Variants in GABRB2 observed in about 807,000 individuals in gnomAD.
GABRB2 encodes the protein gamma-aminobutyric acid receptor subunit beta-2.
Under a neutral mutation model 54.7 loss-of-function variants are expected in GABRB2, and 16 were observed. The ratio of observed to expected loss-of-function variants is 0.29; its 90% CI spans 0.20 to 0.44. The LOEUF (loss-of-function observed/expected upper bound fraction) is 0.44, where lower values mean the gene tolerates loss of function less well. GABRB2 is among the 20% of genes least tolerant of loss of function. GABRB2 has a pLI of 1.00. For synonymous variants in GABRB2, 244 were observed against 233.8 expected (o/e 1.04, Z -0.40); for missense variants, 355 against 644.0 (o/e 0.55, Z 4.86).
At chr5:161,449,633 C>G (rs1757732268) in intron 4 of GABRB2, among the ~76,000 whole-genome samples, 2 of 152,094 alleles carry the variant, frequency 1.3e-5, no homozygotes, top group Non-Finnish European at 2.9e-5. Flanking sequence ...CAATGGAAGT[C>G]TCTTCTGTTG....
intron 3 of GABRB2, among the ~76,000 whole-genome samples, chr5:161,519,608 A>G (rs1192984045): frequency 6.6e-6 from 1 of 152,176 alleles, no homozygotes; most frequent in Non-Finnish European, 1.5e-5. Context: ...AATCTCATCA[A>G]AAATTGAGGA....
At chr5:161,297,263 A>C (rs1362105939) in intron 9 of GABRB2, among the ~76,000 whole-genome samples, 1 of 152,124 alleles carries the variant, frequency 6.6e-6, no homozygotes, top group Non-Finnish European at 1.5e-5. Flanking sequence ...GAATACTTCA[A>C]CTTAAAATAG....
intron 4 of GABRB2, among the ~76,000 whole-genome samples, chr5:161,418,610 A>G (rs1054078754): frequency 1.3e-5 from 2 of 152,218 alleles, no homozygotes; most frequent in Non-Finnish European, 2.9e-5. Flanking sequence ...CTAAGACTTC[A>G]AAAGCAAATG....
intron 5 of GABRB2, among the ~76,000 whole-genome samples, chr5:161,374,684 C>A (rs949380059): frequency 5.9e-5 from 9 of 152,198 alleles, no homozygotes; most frequent in Non-Finnish European, 1.3e-4. Context: ...CTGTTCAAAT[C>A]CTACCTTATT....
chr5:161,416,292 G>A (rs966963698), intron 4 of GABRB2, among the ~76,000 whole-genome samples: 1 of 152,058 alleles, frequency 6.6e-6, no homozygotes, highest in African/African-American at 2.4e-5. Flanking sequence ...AATGACCAAA[G>A]ATAGCCATTA....
At chr5:161,497,440 A>G (rs150717878) in intron 3 of GABRB2, among the ~76,000 whole-genome samples, 16 of 152,128 alleles carry the variant, frequency 1.1e-4, no homozygotes, top group African/African-American at 3.6e-4. Context: ...AACTAATCTG[A>G]ACTCAGGAGA....
intron 3 of GABRB2, among the ~76,000 whole-genome samples, chr5:161,464,287 AACAG>A (rs1198749420): frequency 6.6e-6 from 1 of 152,128 alleles, no homozygotes; most frequent in Non-Finnish European, 1.5e-5. Flanking sequence ...AAAAGATGTG[AACAG>A]ACACTTAACC....
At chr5:161,302,444 G>A (rs898971391) in intron 9 of GABRB2, among the ~76,000 whole-genome samples, 2 of 152,156 alleles carry the variant, frequency 1.3e-5, no homozygotes, top group Admixed American at 6.5e-5. Flanking sequence ...CTGGAGAGAT[G>A]TCCTTGTGAT....
chr5:161,425,277 C>T (rs1454191200), intron 4 of GABRB2, among the ~76,000 whole-genome samples: 7 of 152,054 alleles, frequency 4.6e-5, no homozygotes, highest in Admixed American at 1.3e-4. Flanking sequence ...TATCAAGCAG[C>T]AAAGCATGCC....
chr5:161,414,567 C>A (rs1197727210), intron 4 of GABRB2, among the ~76,000 whole-genome samples: 1 of 151,926 alleles, frequency 6.6e-6, no homozygotes, highest in Non-Finnish European at 1.5e-5. Context: ...AATAATTACT[C>A]CCTACATATA....
At position 161,455,529 on chromosome 5, in the gene GABRB2, ATTT is replaced by A. The variant is rs34494220; in HGVS notation, c.458+4092_458+4094del. Among the ~76,000 whole-genome samples, 357 of 137,884 alleles carry A rather than the reference ATTT, an allele frequency of 2.6e-3. 3 individuals carry two copies. The highest frequency in any genetic ancestry group is 8.0e-3 in the African/African-American group (294 of 36,872). The allele number at this position is 137,884 out of a possible 152,430, so 90.5% of individuals were successfully genotyped here. On this transcript the variant is annotated intron_variant, in intron 4 of 9. Coordinates refer to ENST00000393959, the MANE Select transcript of GABRB2 (RefSeq NM_001371727.1). Reference sequence around the variant, plus strand: ...CTGAAACATGAAATTTTGTTCCCCAATTTTTTTTTTTTTTTTTTTGAGACAGGG... The same window carrying A: ...CTGAAACATGAAATTTTGTTCCCCAATTTTTTTTTTTTTTTTGAGACAGGG...
intron 9 of GABRB2, among the ~76,000 whole-genome samples, chr5:161,310,313 TAG>T (rs1476886561): frequency 1.3e-5 from 2 of 152,098 alleles, no homozygotes; most frequent in African/African-American, 4.8e-5. Context: ...GAACTTAAAA[TAG>T]AAGTTAAAAA....
intron 9 of GABRB2, among the ~76,000 whole-genome samples, chr5:161,318,442 C>T (rs1758107757): frequency 6.6e-6 from 1 of 151,908 alleles, no homozygotes; most frequent in Non-Finnish European, 1.5e-5. Context: ...TATTTAAATA[C>T]TCCCAAATCA....
At chr5:161,327,603 C>T (rs1003328661) in intron 8 of GABRB2, among the ~76,000 whole-genome samples, 1 of 151,942 alleles carries the variant, frequency 6.6e-6, no homozygotes. Flanking sequence ...GACGCTAATA[C>T]CAAAAAGAGG....
intron 3 of GABRB2, among the ~76,000 whole-genome samples, chr5:161,463,820 A>C (rs1004266737): frequency 1.3e-5 from 2 of 151,310 alleles, no homozygotes; most frequent in Non-Finnish European, 3.0e-5. Context: ...AAGACAGTAG[A>C]CTGGAGAAAG....
intron 3 of GABRB2, among the ~76,000 whole-genome samples, chr5:161,462,644 G>A (rs1259401275): frequency 6.6e-6 from 1 of 152,128 alleles, no homozygotes; most frequent in Non-Finnish European, 1.5e-5. Context: ...CTAAATAAAT[G>A]TTAAGATTGT....
chr5:161,459,399 C>T, intron 4 of GABRB2: 1 of 562,496 alleles, frequency 1.8e-6, no homozygotes, highest in Admixed American at 3.0e-5. Context: ...TTAGGATCAG[C>T]AGCTGATATT....
At chr5:161,403,053 TG>T (rs1362245168) in intron 5 of GABRB2, among the ~76,000 whole-genome samples, 2 of 152,150 alleles carry the variant, frequency 1.3e-5, no homozygotes, top group Admixed American at 6.6e-5. Flanking sequence ...CGTGAGAGTG[TG>T]CCCATGGATC....
At chr5:161,373,730 C>A (rs962721686) in intron 5 of GABRB2, among the ~76,000 whole-genome samples, 4 of 152,132 alleles carry the variant, frequency 2.6e-5, no homozygotes, top group Non-Finnish European at 5.9e-5. Context: ...GTCTTTGCTG[C>A]CTCTGAGTTT....
Sources: gnomAD v4.1 joint callset for allele counts (sites outside exome capture counted in the v4.1 genomes callset) on GRCh38, gnomAD v4.1.1 for gene constraint, MANE v1.5 for transcripts, NCBI Gene and HGNC (gene_info 2026-07-23, HGNC 2026-07-21) for gene names.